The following CRACD variants were observed in gnomAD, a reference collection of about 807,000 sequenced individuals.
CRACD encodes the protein capping protein-inhibiting regulator of actin dynamics.
Under a neutral mutation model 106.8 loss-of-function variants are expected in CRACD, and 56 were observed. That is an observed-to-expected ratio of 0.52 (90% CI 0.42 to 0.66). The LOEUF (loss-of-function observed/expected upper bound fraction) is 0.66, where lower values mean the gene tolerates loss of function less well. Among genes scored for constraint, CRACD ranks in the 30% least tolerant of loss-of-function variants. The probability of loss-of-function intolerance (pLI) is 0.00; values close to 1 mark genes in which losing one functional copy is unlikely to be tolerated. For missense variants in CRACD, 1,730 were observed against 1,623.2 expected (o/e 1.07, Z -1.13); for synonymous variants, 754 against 670.8 (o/e 1.12, Z -1.92).
At chr4:56,296,639 G>A (rs1002250516) in intron 3 of CRACD, among the ~76,000 whole-genome samples, 5 of 152,182 alleles carry the variant, frequency 3.3e-5, no homozygotes, top group African/African-American at 1.2e-4. Flanking sequence ...CATGCACTTG[G>A]TCACTGAGAA....
At chr4:56,252,608 A>G (rs1741118775) in intron 2 of CRACD, among the ~76,000 whole-genome samples, 1 of 152,214 alleles carries the variant, frequency 6.6e-6, no homozygotes, top group African/African-American at 2.4e-5. Flanking sequence ...TTGTGAAGGT[A>G]GCATTGAATA....
At position 56,314,339 on chromosome 4, in the gene CRACD, G is replaced by A; in HGVS notation, c.837G>A (p.Pro279=). Reference sequence around the variant, plus strand: ...AGGAGGAGGGCGAGGGGCAGGAGCCGCCTCTAGAGGCGGAAAGGGCGCCGC... The same window carrying A: ...AGGAGGAGGGCGAGGGGCAGGAGCCACCTCTAGAGGCGGAAAGGGCGCCGC... ...LLEEEGEGQE[P]PLEAERAPRE... is the part of the protein sequence containing the mutation. The change falls in exon 8 of 11, where the codon CCG becomes CCA. Residue 279 remains proline, a synonymous_variant. Transcript: ENST00000682029. This position sits in a 1 kb window ranked among gnomAD's most constrained non-coding sequence, Gnocchi z 4.4. The A allele has an allele frequency of 1.9e-6, 3 of 1,550,072 alleles. No individual in the cohort carries two copies. The highest frequency in any genetic ancestry group is 2.6e-6 in the Non-Finnish European group (3 of 1,146,968).
intron 2 of CRACD, among the ~76,000 whole-genome samples, chr4:56,209,550 A>G (rs1477239092): frequency 6.6e-6 from 1 of 152,150 alleles, no homozygotes; most frequent in African/African-American, 2.4e-5. Context: ...GAACTGTTTT[A>G]TATCAGTATT....
chr4:56,286,298 C>T (rs1743336361), intron 3 of CRACD, among the ~76,000 whole-genome samples: 1 of 151,270 alleles, frequency 6.6e-6, no homozygotes. Context: ...GAGGCTGAGG[C>T]GTGAGAATCT....
At chr4:56,296,937 A>C (rs1260467078) in intron 3 of CRACD, among the ~76,000 whole-genome samples, 1 of 105,194 alleles carries the variant, frequency 9.5e-6, no homozygotes, top group African/African-American at 4.2e-5. Flanking sequence ...TTTTTTTTTG[A>C]GACTGAGTCT....
intron 2 of CRACD, among the ~76,000 whole-genome samples, chr4:56,225,253 G>C (rs1384869408): frequency 1.3e-5 from 2 of 152,074 alleles, no homozygotes; most frequent in Admixed American, 6.6e-5. Flanking sequence ...CACCATGCCT[G>C]GCTAATTTTT....
At chr4:56,191,525 G>A (rs1422713088) in intron 2 of CRACD, among the ~76,000 whole-genome samples, 1 of 152,014 alleles carries the variant, frequency 6.6e-6, no homozygotes, top group Non-Finnish European at 1.5e-5. Flanking sequence ...AATATACTGG[G>A]CCCATCCAGA....
At chr4:56,313,416 C>T (rs1745288257) in intron 7 of CRACD, 37 bp downstream of exon 7, 1 of 1,574,628 alleles carries the variant, frequency 6.4e-7, no homozygotes, top group Admixed American at 1.7e-5. Flanking sequence ...AGGCAGGTGC[C>T]CTTGCCTACT....
intron 2 of CRACD, among the ~76,000 whole-genome samples, chr4:56,243,386 T>C (rs1339884791): frequency 1.3e-5 from 2 of 152,196 alleles, no homozygotes; most frequent in African/African-American, 4.8e-5. Flanking sequence ...TTGCAGCATC[T>C]ACTTGTCCTG....
chr4:56,186,662 A>C (rs1737106413), intron 2 of CRACD, among the ~76,000 whole-genome samples: 1 of 152,138 alleles, frequency 6.6e-6, no homozygotes, highest in Non-Finnish European at 1.5e-5. Flanking sequence ...GTTCATGGTC[A>C]CTTCCTCCTT....
intron 2 of CRACD, among the ~76,000 whole-genome samples, chr4:56,182,600 A>G (rs998945079): frequency 6.6e-5 from 10 of 152,108 alleles, no homozygotes; most frequent in Non-Finnish European, 1.0e-4. Context: ...CTGCCCTGAC[A>G]CAGGGTAGGA....
chr4:56,073,989 G>A (rs1732751427), intron 1 of CRACD, among the ~76,000 whole-genome samples: 1 of 152,000 alleles, frequency 6.6e-6, no homozygotes, highest in African/African-American at 2.4e-5. Context: ...TTTTTGTCAG[G>A]TTTGTCAAAG....
At chr4:56,182,417 CACA>C (rs746257497) in intron 2 of CRACD, among the ~76,000 whole-genome samples, 1 of 149,540 alleles carries the variant, frequency 6.7e-6, no homozygotes, top group East Asian at 2.0e-4. Flanking sequence ...CTCCAAAACA[CACA>C]ACAACAAAGA....
At chr4:56,310,110 A>G (rs1745038689) in intron 5 of CRACD, among the ~76,000 whole-genome samples, 1 of 151,800 alleles carries the variant, frequency 6.6e-6, no homozygotes, top group African/African-American at 2.4e-5. Flanking sequence ...TCTCCTGGGC[A>G]TGCCTAGGAC....
In CRACD at chr4:56,242,571, G is replaced by A. The variant is rs150740449; in HGVS notation, c.-188-29750G>A. On this transcript the variant is annotated intron_variant, in intron 2 of 10. Coordinates refer to ENST00000682029, the MANE Select transcript of CRACD (RefSeq NM_001393381.1). ...GAGAAAGTGGTAAGGTCAAATCTGC[G>A]TTCCTGCAAGGATGAGCACCCCAAG... Among the ~76,000 whole-genome samples, 25 of 152,204 alleles carry A rather than the reference G, an allele frequency of 1.6e-4. No individual in the cohort carries two copies. The East Asian group carries it at 3.7e-3, about 22-fold the overall frequency.
intron 1 of CRACD, among the ~76,000 whole-genome samples, chr4:56,077,127 G>A (rs1007138118): frequency 6.6e-6 from 1 of 152,118 alleles, no homozygotes; most frequent in African/African-American, 2.4e-5. Flanking sequence ...CCCAAGACTG[G>A]GTAATTTATA....
chr4:56,118,296 G>A lies in CRACD; in HGVS notation c.-335-60988G>A, dbSNP rs892101868. Among the ~76,000 whole-genome samples, 7 of 152,110 alleles carry A rather than the reference G, an allele frequency of 4.6e-5. No homozygotes were observed. The South Asian group carries it at 8.3e-4, about 18-fold the overall frequency. ...TTTCCCCACCTACATGCTTCTGAGC[G>A]CTTTCATTTGTTTGTTCAGTCACTT... On this transcript the variant is annotated intron_variant, in intron 1 of 10. Coordinates refer to ENST00000682029, the MANE Select transcript of CRACD (RefSeq NM_001393381.1).
At chr4:56,195,623 T>A (rs563646645) in intron 2 of CRACD, among the ~76,000 whole-genome samples, 1 of 152,290 alleles carries the variant, frequency 6.6e-6, no homozygotes, top group Admixed American at 6.5e-5. Context: ...GGGCAAAAAT[T>A]GACTTTATAT....
chr4:56,261,181 G>A (rs1170377073), intron 2 of CRACD, among the ~76,000 whole-genome samples: 1 of 152,128 alleles, frequency 6.6e-6, no homozygotes, highest in African/African-American at 2.4e-5. Context: ...TCCCCTGCCA[G>A]TATTTTCCAC....
Sources: allele counts gnomAD v4.1 joint callset (sites outside exome capture counted in the v4.1 genomes callset), GRCh38; gene constraint gnomAD v4.1.1; non-coding constraint Gnocchi (gnomAD v3.1); transcripts MANE v1.5; gene names NCBI Gene and HGNC (gene_info 2026-07-23, HGNC 2026-07-21).